The following PCSK9 variants were observed in gnomAD, a reference collection of about 807,000 sequenced individuals.
PCSK9 encodes the protein proprotein convertase subtilisin/kexin type 9, also known as convertase subtilisin/kexin type 9 preproprotein.
PCSK9 carries 57 observed loss-of-function variants against 62.1 expected under a neutral mutation model. The ratio of observed to expected loss-of-function variants is 0.92; its 90% CI spans 0.74 to 1.14. The LOEUF (loss-of-function observed/expected upper bound fraction) is 1.14, where lower values mean the gene tolerates loss of function less well. Among genes scored for constraint, PCSK9 ranks in the 50% most tolerant of loss-of-function variants. The pLI, the probability that PCSK9 is intolerant of heterozygous loss-of-function variation, is 0.00. For synonymous variants in PCSK9, 387 were observed against 409.4 expected, an observed-to-expected ratio of 0.95 and a Z score of 0.66; for missense variants, 870 against 959.8, an observed-to-expected ratio of 0.91 and a Z score of 1.24.
chr1:55,060,962 C>T (rs934216160), intron 10 of PCSK9, among the ~76,000 whole-genome samples: 6 of 152,198 alleles, frequency 3.9e-5, no homozygotes, highest in Non-Finnish European at 4.4e-5. Flanking sequence ...ATGGGTGTGT[C>T]TGACTCCTAA....
chr1:55,044,643 G>A (rs1001742047), intron 2 of PCSK9, among the ~76,000 whole-genome samples: 17 of 152,120 alleles, frequency 1.1e-4, no homozygotes, highest in African/African-American at 1.9e-4. Context: ...AGCCCACCTC[G>A]TTTCCTGGCC....
chr1:55,058,591 C>G lies in PCSK9; in HGVS notation c.1447C>G (p.Leu483Val), dbSNP rs1570307690. The G allele has an allele frequency of 5.6e-6, 9 of 1,611,878 alleles. No homozygotes were observed. The highest frequency in any genetic ancestry group is 2.2e-4 in the Middle Eastern group (1 of 4,458). The change falls in exon 9 of 12, where the codon CTG becomes GTG. Residue 483 changes from leucine to valine, a missense_variant. Transcript: ENST00000302118. Reference sequence around the variant, plus strand: ...CGCCCGCTGCGCCCCAGATGAGGAGCTGCTGAGCTGCTCCAGTTTCTCCAG... The same window carrying G: ...CGCCCGCTGCGCCCCAGATGAGGAGGTGCTGAGCTGCTCCAGTTTCTCCAG... The part of the protein sequence containing the change: ...AVARCAPDEE[L>V]LSCSSFSRSG...
At position 55,059,487 on chromosome 1, in the gene PCSK9, C is replaced by T; in HGVS notation, c.1505C>T (p.Ala502Val). Residue 502 changes from alanine (A) to valine (V), a missense_variant and splice_region_variant, in exon 10 of 12, where the codon GCC (alanine) becomes GTC (valine). Ala to Val is a moderately conservative substitution (Grantham distance 64, BLOSUM62 0). Coordinates refer to ENST00000302118, the MANE Select transcript of PCSK9 (RefSeq NM_174936.4). Reference protein sequence around the residue: ...SGKRRGERMEAQGGKLVCRAH... With the variant: ...SGKRRGERMEVQGGKLVCRAH... ...CCCATTTCCGTCTTTGACTCTAAGG[C>T]CCAAGGGGGCAAGCTGGTCTGCCGG... 6.4e-7 allele frequency: 1 copy of T among 1,562,610 alleles called. No individual in the cohort carries two copies. Among genetic ancestry groups the T allele is most frequent in the Non-Finnish European group, 8.7e-7 (1 of 1,152,422 alleles).
At chr1:55,057,985 G>A in intron 7 of PCSK9, 51 bp from the exon 8 acceptor site, 3 of 1,605,812 alleles carry the variant, frequency 1.9e-6, no homozygotes, top group South Asian at 2.2e-5. Flanking sequence ...TCCCCTGCTG[G>A]GGCAGGAGGG....
rs745633457 is a variant in PCSK9, at chr1:55,052,644, G to T, written c.658-6G>T. 4 of 1,612,830 alleles carry T rather than the reference G, an allele frequency of 2.5e-6. No homozygotes were observed. Among genetic ancestry groups the T allele is most frequent in the Non-Finnish European group, 3.4e-6 (4 of 1,179,578 alleles). On this transcript the variant is annotated splice_region_variant and splice_polypyrimidine_tract_variant and intron_variant, in intron 4 of 11. Coordinates refer to ENST00000302118, the MANE Select transcript of PCSK9 (RefSeq NM_174936.4). ...TTCTCATGTGGTCCTTGTGTTCGTC[G>T]AGCAGGCCAGCAAGTGTGACAGTCA... is the stretch of plus-strand genomic sequence containing the variant.
chr1:55,058,956 A>G (rs974659304), intron 9 of PCSK9, among the ~76,000 whole-genome samples: 2 of 152,204 alleles, frequency 1.3e-5, no homozygotes, highest in Non-Finnish European at 2.9e-5. Context: ...AGGGTCAGCG[A>G]TCTGCTACTC....
chr1:55,039,721 C>T lies in PCSK9; in HGVS notation c.-117C>T, dbSNP rs868163847. The T allele has an allele frequency of 1.0e-5, 13 of 1,267,838 alleles. No individual in the cohort carries two copies. Among genetic ancestry groups the T allele is most frequent in the Middle Eastern group, 2.6e-4 (1 of 3,778 alleles). The allele number at this position is 1,267,838 out of a possible 1,614,324, so 78.5% of individuals were successfully genotyped here. A position where few individuals can be genotyped will look rare whatever the true frequency, so the allele number is the denominator to read the frequency against. On this transcript the variant is annotated 5_prime_UTR_variant, in exon 1 of 12. Coordinates refer to ENST00000302118, the MANE Select transcript of PCSK9 (RefSeq NM_174936.4). ...CGCGCGCCCCTTCACGCGCCCTGCTCCTGAACTTCAGCTCCTGCACAGTCC... is the reference window on the plus strand; with the variant it reads ...CGCGCGCCCCTTCACGCGCCCTGCTTCTGAACTTCAGCTCCTGCACAGTCC...
At position 55,058,081 on chromosome 1, in the gene PCSK9, C is replaced by A; in HGVS notation, c.1226C>A (p.Ala409Asp). ...MLSAEPELTL[A>D]ELRQRLIHFS... ...TCTGCCGAGCCGGAGCTCACCCTGGCCGAGTTGAGGCAGAGACTGATCCAC... is the reference window on the plus strand; with the variant it reads ...TCTGCCGAGCCGGAGCTCACCCTGGACGAGTTGAGGCAGAGACTGATCCAC... Residue 409 changes from alanine (A) to aspartate (D), a missense_variant, in exon 8 of 12, where the codon GCC becomes GAC. Coordinates refer to ENST00000302118, the MANE Select transcript of PCSK9 (RefSeq NM_174936.4). 6.2e-7 allele frequency: 1 copy of A among 1,613,796 alleles called. No homozygotes were observed. Among genetic ancestry groups the A allele is most frequent in the Non-Finnish European group, 8.5e-7 (1 of 1,180,030 alleles).
Position 55,039,816 on chromosome 1 carries a change from A to T in PCSK9, c.-22A>T. On this transcript the variant is annotated 5_prime_UTR_variant, in exon 1 of 12. Transcript: ENST00000302118. ...GGCCTCTAGGTCTCCTCGCCAGGACAGCAACCTCTCCCCTGGCCCTCATGG... is the reference window on the plus strand; with the variant it reads ...GGCCTCTAGGTCTCCTCGCCAGGACTGCAACCTCTCCCCTGGCCCTCATGG... 3 of 1,569,250 alleles carry T rather than the reference A, an allele frequency of 1.9e-6. No individual in the cohort carries two copies. The highest frequency in any genetic ancestry group is 2.6e-6 in the Non-Finnish European group (3 of 1,158,328).
intron 3 of PCSK9, among the ~76,000 whole-genome samples, chr1:55,047,209 G>C (rs502576): frequency 0.14 from 21,786 of 152,222 alleles, 2,082 homozygotes; most frequent in Middle Eastern, 0.23. Flanking sequence ...AGGGAGGGAG[G>C]AGGAGCGGCC....
chr1:55,058,675 GT>G (rs1644735673), intron 9 of PCSK9, 28 bp downstream of exon 9: 1 of 57,124 alleles, frequency 1.8e-5, no homozygotes, highest in Admixed American at 8.6e-4. Flanking sequence ...TCGTGTGTGT[GT>G]GTGTGTGTGT....
intron 9 of PCSK9, 52 bp downstream of exon 9, chr1:55,058,699 G>A: frequency 1.9e-6 from 3 of 1,551,788 alleles, no homozygotes; most frequent in South Asian, 1.2e-5. Flanking sequence ...GTGTGTGTGT[G>A]TGTGTGTGTG....
intron 6 of PCSK9, 97 bp downstream of exon 6, chr1:55,056,286 GGGCTTCTTGT>G (rs1408497134): frequency 4.0e-6 from 5 of 1,257,712 alleles, no homozygotes; most frequent in Non-Finnish European, 5.2e-6. Flanking sequence ...TGTGGCACGT[GGGCTTCTTGT>G]GGCACGTTCC....
At chr1:55,054,505 G>C (rs1467268801) in intron 5 of PCSK9, among the ~76,000 whole-genome samples, 3 of 152,222 alleles carry the variant, frequency 2.0e-5, no homozygotes, top group Non-Finnish European at 2.9e-5. Context: ...TCTCCTAGGA[G>C]GAGCATGGCT....
At chr1:55,057,597 C>T in intron 7 of PCSK9, 83 bp downstream of exon 7, 1 of 1,476,136 alleles carries the variant, frequency 6.8e-7, no homozygotes, top group Non-Finnish European at 9.2e-7. Context: ...ACCTCCAGTG[C>T]CAGGCTCTGT....
In PCSK9 at chr1:55,054,743, C is replaced by T. The variant is rs556171621; in HGVS notation, c.800-1250C>T. Among the ~76,000 whole-genome samples, 6 of 152,266 alleles carry T rather than the reference C, an allele frequency of 3.9e-5. No individual in the cohort carries two copies. The South Asian group carries it at 8.3e-4, about 21-fold the overall frequency. ...ACTGGTGGCTGGGTGCAGTGGCTCA[C>T]GCCTGTAATCTTAGCACTTTGGGAG... On this transcript the variant is annotated intron_variant, in intron 5 of 11. Coordinates refer to ENST00000302118, the MANE Select transcript of PCSK9 (RefSeq NM_174936.4).
intron 6 of PCSK9, 133 bp downstream of exon 6, chr1:55,056,322 T>A: frequency 9.3e-7 from 1 of 1,069,960 alleles, no homozygotes; most frequent in Non-Finnish European, 1.3e-6. Context: ...GCCGAACCCT[T>A]CTGGCTTTGG....
chr1:55,052,308 T>C lies in PCSK9; in HGVS notation c.554T>C (p.Leu185Pro). The C allele has an allele frequency of 6.2e-7, 1 of 1,614,040 alleles. No homozygotes were observed. The highest frequency in any genetic ancestry group is 8.5e-7 in the Non-Finnish European group (1 of 1,180,026). ...DGGSLVEVYL[L>P]DTSIQSDHRE... is the part of the protein sequence containing the mutation. ...GGCAGCCTGGTGGAGGTGTATCTCCTAGACACCAGCATACAGAGTGACCAC... is the reference window on the plus strand; with the variant it reads ...GGCAGCCTGGTGGAGGTGTATCTCCCAGACACCAGCATACAGAGTGACCAC... Residue 185 changes from leucine (L) to proline (P), a missense_variant, in exon 4 of 12, where the codon CTA becomes CCA. Coordinates refer to ENST00000302118, the MANE Select transcript of PCSK9 (RefSeq NM_174936.4).
At chr1:55,056,385 G>C (rs1268344151) in intron 6 of PCSK9, among the ~76,000 whole-genome samples, 196 bp downstream of exon 6, 1 of 152,086 alleles carries the variant, frequency 6.6e-6, no homozygotes, top group Non-Finnish European at 1.5e-5. Flanking sequence ...GAAGGGGCTC[G>C]AAACCTCCAT....
Sources: allele counts gnomAD v4.1 joint callset (sites outside exome capture counted in the v4.1 genomes callset), GRCh38; gene constraint gnomAD v4.1.1; transcripts MANE v1.5; gene names NCBI Gene and HGNC (gene_info 2026-07-23, HGNC 2026-07-21).